Variants in NOP56 observed in about 807,000 individuals in gnomAD.
NOP56 encodes the protein nucleolar protein 56.
A neutral mutation model predicts 58.3 loss-of-function variants in NOP56; 31 were observed. The ratio of observed to expected loss-of-function variants is 0.53; its 90% CI spans 0.40 to 0.72. The LOEUF (loss-of-function observed/expected upper bound fraction) is 0.72. NOP56 is among the 30% of genes least tolerant of loss of function. The probability of loss-of-function intolerance (pLI) is 0.00; values close to 1 mark genes in which losing one functional copy is unlikely to be tolerated. For synonymous variants in NOP56, 313 were observed against 282.8 expected, an observed-to-expected ratio of 1.11 and a Z score of -1.07; for missense variants, 669 against 739.9, an observed-to-expected ratio of 0.90 and a Z score of 1.11.
rs1422520617 is a variant in NOP56 at position 2,654,405 on chromosome 20, T to C, written c.209-9T>C. On this transcript the variant is annotated splice_polypyrimidine_tract_variant and intron_variant, in intron 3 of 11. Transcript: ENST00000329276. ...GCCTGTTAGTGGGAACTGTGTTCTT[T>C]CCCCTGAGGGGTTGTTCATGAGGAC... The C allele has an allele frequency of 6.2e-7, 1 of 1,614,034 alleles. No individual in the cohort carries two copies.
In NOP56 at chr20:2,656,000, G is replaced by T. The variant is rs745731864; in HGVS notation, c.976G>T (p.Val326Leu). ...TNLAKYPAST[V>L]QILGAEKALF... ...CCTGGCCAAGTATCCAGCATCCACAGTGCAGATCCTTGGGGCTGAAAAGGC... is the reference window on the plus strand; with the variant it reads ...CCTGGCCAAGTATCCAGCATCCACATTGCAGATCCTTGGGGCTGAAAAGGC... The change falls in exon 8 of 12, where the codon GTG (valine) becomes TTG (leucine). Residue 326 changes from valine to leucine, a missense_variant. Around this residue, in one of 3 missense-constraint regions of NOP56, gnomAD observed 339 missense variants for 430.5 expected, o/e 0.79. Transcript: ENST00000329276. The T allele has an allele frequency of 1.2e-6, 2 of 1,614,082 alleles. No homozygotes were observed. Among genetic ancestry groups the T allele is most frequent in the African/African-American group, 2.7e-5 (2 of 74,930 alleles).
intron 11 of NOP56, 71 bp from the exon 12 acceptor site, chr20:2,657,858 C>G (rs1300057226): frequency 1.4e-5 from 21 of 1,491,034 alleles, no homozygotes; most frequent in Non-Finnish European, 1.9e-5. Flanking sequence ...GTTCCCCTGC[C>G]TTGGCTACTT....
At chr20:2,653,035 C>T (rs1329731102) in intron 2 of NOP56, 104 bp downstream of exon 2, 2 of 1,041,548 alleles carry the variant, frequency 1.9e-6, no homozygotes, top group African/African-American at 3.2e-5. Context: ...CGGTTCGGGG[C>T]GGGGGGACGG....
At chr20:2,657,850 T>G in intron 11 of NOP56, 79 bp from the exon 12 acceptor site, 1 of 1,457,276 alleles carries the variant, frequency 6.9e-7, no homozygotes, top group Non-Finnish European at 9.2e-7. Context: ...CGACACGCGT[T>G]CCCCTGCCTT....
chr20:2,654,252 A>T, intron 3 of NOP56, 162 bp from the exon 4 acceptor site: 1 of 810,690 alleles, frequency 1.2e-6, no homozygotes, highest in Non-Finnish European at 2.2e-6. Flanking sequence ...CAATCCCCTG[A>T]GTGCAATCAC....
At chr20:2,656,276 T>C (rs371936609) in intron 8 of NOP56, 125 bp from the exon 9 acceptor site, 1 of 1,604,862 alleles carries the variant, frequency 6.2e-7, no homozygotes, top group African/African-American at 1.3e-5. Flanking sequence ...TGCATTGGGG[T>C]AGAGATCCAA....
chr20:2,655,217 T>C, intron 5 of NOP56, 108 bp from the exon 6 acceptor site: 1 of 1,370,504 alleles, frequency 7.3e-7, no homozygotes, highest in South Asian at 1.2e-5. Flanking sequence ...AAGATTTGGA[T>C]CTTTGTCCCA....
chr20:2,655,627 A>T lies in NOP56; in HGVS notation c.790A>T (p.Ile264Phe). 6.2e-7 allele frequency: 1 copy of T among 1,614,204 alleles called. No individual in the cohort carries two copies. Among genetic ancestry groups the T allele is most frequent in the Non-Finnish European group, 8.5e-7 (1 of 1,180,036 alleles). The stretch of plus-strand genomic sequence containing the variant: ...CATATCTGCCATTGACTTGATAAAC[A>T]TCGAGAGCTTCTCCAGTCGTGTGGT... ...MDISAIDLINIESFSSRVVSL... is the reference protein window; with the variant it reads ...MDISAIDLINFESFSSRVVSL... The change falls in exon 7 of 12, where the codon ATC (isoleucine) becomes TTC (phenylalanine). Residue 264 changes from isoleucine to phenylalanine, a missense_variant. Physicochemically the swap from Ile to Phe is conservative, Grantham distance 21. Coordinates refer to ENST00000329276, the MANE Select transcript of NOP56 (RefSeq NM_006392.4).
At chr20:2,654,166 G>T (rs73576051) in intron 3 of NOP56, 8 of 717,464 alleles carry the variant, frequency 1.1e-5, no homozygotes, top group Non-Finnish European at 1.8e-5. Context: ...TTGCCCACTT[G>T]TGCTATCAGA....
At chr20:2,654,340 GGGTA>G (rs962926015) in intron 3 of NOP56, 70 bp from the exon 4 acceptor site, 26 of 1,545,160 alleles carry the variant, frequency 1.7e-5, no homozygotes, top group Non-Finnish European at 2.3e-5. Flanking sequence ...GGTGGGACCA[GGGTA>G]GTCAGCTGAG....
chr20:2,652,843 T>C lies in NOP56; in HGVS notation c.5T>C (p.Val2Ala). The part of the protein sequence containing the change: M[V>A]LLHVLFEHAV... ...CTCGCGCCCCGGCTCCCGTTCCAGG[T>C]GCTGTTGCACGTGCTGTTTGAGCAC... The change falls in exon 2 of 12, where the codon GTG becomes GCG. Residue 2 changes from valine to alanine, a missense_variant and splice_region_variant. This residue lies in a region of NOP56 where 121 missense variants were observed against 113.1 expected (regional missense o/e 1.07). Transcript: ENST00000329276. The C allele has an allele frequency of 6.2e-7, 1 of 1,610,398 alleles. No homozygotes were observed.
At position 2,654,760 on chromosome 20, in the gene NOP56, C is replaced by A; in HGVS notation, c.382C>A (p.His128Asn). 6.2e-7 allele frequency: 1 copy of A among 1,613,918 alleles called. No individual in the cohort carries two copies. The highest frequency in any genetic ancestry group is 8.5e-7 in the Non-Finnish European group (1 of 1,180,038). The stretch of plus-strand genomic sequence containing the variant: ...TGCCCTCTTCTTAGGAGTTCGTCTG[C>A]ACTTCCACAATCTGGTGAAGGGTCT... ...IAEILRGVRLHFHNLVKGLTD... is the reference protein window; with the variant it reads ...IAEILRGVRLNFHNLVKGLTD... Residue 128 changes from histidine (H) to asparagine (N), a missense_variant, in exon 5 of 12, where the codon CAC becomes AAC. His to Asn is a moderately conservative substitution (Grantham distance 68). This residue lies in a region of NOP56 where 339 missense variants were observed against 430.5 expected (regional missense o/e 0.79). Transcript: ENST00000329276.
Position 2,655,999 on chromosome 20 carries a change from A to C in NOP56, c.975A>C (p.Thr325=). ...LTNLAKYPAS[T]VQILGAEKAL... ...ACCTGGCCAAGTATCCAGCATCCAC[A>C]GTGCAGATCCTTGGGGCTGAAAAGG... The change falls in exon 8 of 12, where the codon ACA becomes ACC. Residue 325 remains threonine (T), a synonymous_variant. Coordinates refer to ENST00000329276, the MANE Select transcript of NOP56 (RefSeq NM_006392.4). 6.2e-7 allele frequency: 1 copy of C among 1,614,154 alleles called. No homozygotes were observed. The highest frequency in any genetic ancestry group is 1.1e-5 in the South Asian group (1 of 91,082).
Position 2,658,037 on chromosome 20 carries a change from A to C in NOP56, c.1528A>C (p.Lys510Gln). 6.2e-7 allele frequency: 1 copy of C among 1,613,544 alleles called. No homozygotes were observed. The highest frequency in any genetic ancestry group is 8.5e-7 in the Non-Finnish European group (1 of 1,179,506). Residue 510 changes from lysine to glutamine, a missense_variant, in exon 12 of 12, where the codon AAA (lysine) becomes CAA (glutamine). Physicochemically the swap from Lys to Gln is moderately conservative, Grantham distance 53 (BLOSUM62 1). Coordinates refer to ENST00000329276, the MANE Select transcript of NOP56 (RefSeq NM_006392.4). ...CTCTTTCTCCAAACCCAAGAAAAAG[A>C]AATCTTTTTCCAAGGAGGAGTTGAT... Reference protein sequence around the residue: ...SISFSKPKKKKSFSKEELMSS... With the variant: ...SISFSKPKKKQSFSKEELMSS...
intron 5 of NOP56, 40 bp from the exon 6 acceptor site, chr20:2,655,285 T>C: frequency 6.2e-7 from 1 of 1,612,596 alleles, no homozygotes; most frequent in South Asian, 1.1e-5. Context: ...TGGTTTTTGA[T>C]GAAGCAGCTG....
chr20:2,653,647 A>T (rs1404616429), intron 3 of NOP56: 9 of 447,950 alleles, frequency 2.0e-5, no homozygotes, highest in Non-Finnish European at 2.8e-5. Context: ...CACTGTAGTG[A>T]CAAACTATTT....
In NOP56 at chr20:2,656,438, C is replaced by T. The variant is rs1454572364; in HGVS notation, c.1048C>T (p.Leu350Phe). The T allele has an allele frequency of 1.2e-6, 2 of 1,614,164 alleles. No individual in the cohort carries two copies. The highest frequency in any genetic ancestry group is 2.2e-5 in the South Asian group (2 of 91,086). The change falls in exon 9 of 12, where the codon CTC becomes TTC. Residue 350 changes from leucine (L) to phenylalanine (F), a missense_variant. Physicochemically the swap from Leu to Phe is conservative, Grantham distance 22. Coordinates refer to ENST00000329276, the MANE Select transcript of NOP56 (RefSeq NM_006392.4). ...AAGGGGTAACACTCCAAAATATGGA[C>T]TCATTTTCCACTCCACCTTCATTGG... ...KTRGNTPKYGLIFHSTFIGRA... is the reference protein window; with the variant it reads ...KTRGNTPKYGFIFHSTFIGRA...
At position 2,655,478 on chromosome 20, in the gene NOP56, T is replaced by C. The variant is rs141739953; in HGVS notation, c.723T>C (p.Ala241=). 1.8e-5 allele frequency: 29 copies of C among 1,614,152 alleles called. No homozygotes were observed. In the African/African-American group the frequency reaches 2.9e-4, roughly 16 times the overall value. The change falls in exon 6 of 12, where the codon GCT becomes GCC. Residue 241 remains alanine (A), a synonymous_variant. Coordinates refer to ENST00000329276, the MANE Select transcript of NOP56 (RefSeq NM_006392.4). Reference sequence around the variant, plus strand: ...AGCTGACAATGGATGGGGCCAAGGCTAAGGCTATTCTGGATGCCTCACGGT... The same window carrying C: ...AGCTGACAATGGATGGGGCCAAGGCCAAGGCTATTCTGGATGCCTCACGGT... ...LEELTMDGAK[A]KAILDASRSS... is the part of the protein sequence containing the mutation.
intron 11 of NOP56, 166 bp downstream of exon 11, chr20:2,657,384 G>A: frequency 9.7e-7 from 1 of 1,028,930 alleles, no homozygotes; most frequent in Non-Finnish European, 1.5e-6. Context: ...AAGGAGATAG[G>A]TGCTGAACTT....
Sources: gnomAD v4.1 joint callset for allele counts on GRCh38, gnomAD v4.1.1 for gene constraint, gnomAD v4.1.1 regional missense constraint, MANE v1.5 for transcripts, NCBI Gene and HGNC (gene_info 2026-07-23, HGNC 2026-07-21) for gene names.